The following H2BC5 variants were observed in gnomAD, a reference collection of about 807,000 sequenced individuals.
H2BC5 encodes H2B clustered histone 5.
H2BC5 carries 9 observed loss-of-function variants against 5.7 expected under a neutral mutation model. The ratio of observed to expected loss-of-function variants is 1.57; its 90% CI spans 0.95 to 2.74. The LOEUF (loss-of-function observed/expected upper bound fraction) is 2.74. H2BC5 is among the 30% of genes most tolerant of loss of function. H2BC5 has a pLI of 0.00. For synonymous variants in H2BC5, 133 were observed against 70.9 expected (o/e 1.88, Z -4.40); for missense variants, 175 against 168.8 (o/e 1.04, Z -0.20).
At position 26,158,535 on chromosome 6, in the gene H2BC5, C is replaced by CA; in HGVS notation, c.367dup (p.Thr123AsnfsTer15). On this transcript the variant is annotated frameshift_variant, in exon 1 of 1. Transcript: ENST00000377777. LOFTEE classifies it high-confidence loss of function. ...AGGGCACCAAGGCCGTCACCAAGTA[C>CA]ACCAGTTCCAAGTAACTTTGCCAAG... 1 of 1,614,234 alleles carries CA rather than the reference C, an allele frequency of 6.2e-7. No individual in the cohort carries two copies. The highest frequency in any genetic ancestry group is 2.2e-5 in the East Asian group (1 of 44,880).
chr6:26,161,439 G>A (rs1764350035), downstream of H2BC5, among the ~76,000 whole-genome samples: 1 of 152,124 alleles, frequency 6.6e-6, no homozygotes, highest in South Asian at 2.1e-4. Context: ...GGAATTATCT[G>A]AAATGCAGAG....
At chr6:26,163,408 C>G (rs758266413), downstream of H2BC5, 1 of 152,102 alleles carries the variant, frequency 6.6e-6, no homozygotes, top group Non-Finnish European at 1.5e-5. Flanking sequence ...ACAAATTATC[C>G]CAAAACTAAT....
downstream of H2BC5, among the ~76,000 whole-genome samples, chr6:26,162,799 A>C (rs373243891): frequency 6.6e-6 from 1 of 152,194 alleles, no homozygotes; most frequent in Non-Finnish European, 1.5e-5. Flanking sequence ...ATGGGGTCCC[A>C]AAGTGCTGGG....
downstream of H2BC5, chr6:26,158,680 C>A: frequency 2.9e-6 from 4 of 1,373,254 alleles, no homozygotes; most frequent in East Asian, 2.4e-5. Context: ...CAGTACCAAT[C>A]TTTAATGTTA....
downstream of H2BC5, among the ~76,000 whole-genome samples, chr6:26,158,995 AT>A (rs1361042249): frequency 6.6e-6 from 1 of 152,146 alleles, no homozygotes; most frequent in Non-Finnish European, 1.5e-5. Flanking sequence ...TTCTTGTAAA[AT>A]TTTTACCATG....
At chr6:26,161,830 C>T (rs1764356165), downstream of H2BC5, among the ~76,000 whole-genome samples, 1 of 151,980 alleles carries the variant, frequency 6.6e-6, no homozygotes, top group South Asian at 2.1e-4. Flanking sequence ...TATGATCTGA[C>T]GTTGACCTAA....
At position 26,158,135 on chromosome 6, in the gene H2BC5, G is replaced by A. The variant is rs749925563; in HGVS notation, c.-35G>A. 2.5e-6 allele frequency: 4 copies of A among 1,586,244 alleles called. No individual in the cohort carries two copies. The highest frequency in any genetic ancestry group is 3.4e-6 in the Non-Finnish European group (4 of 1,167,424). On this transcript the variant is annotated 5_prime_UTR_variant, in exon 1 of 1. It adds an upstream start codon to the 5' untranslated region. Coordinates refer to ENST00000377777, the MANE Select transcript of H2BC5 (RefSeq NM_021063.4). ...TCGGCGGGAGTGATTATTTTCTCAG[G>A]TGTTTGCAACAGTGTTCTAACTATT... is the stretch of plus-strand genomic sequence containing the variant.
Position 26,158,176 on chromosome 6 carries a change from GAA to G in H2BC5, c.8_9del (p.Glu3AlafsTer18). 1 of 1,613,760 alleles carries G rather than the reference GAA, an allele frequency of 6.2e-7. No homozygotes were observed. The highest frequency in any genetic ancestry group is 2.2e-5 in the East Asian group (1 of 44,884). MP[E>X]PTKSAPAPKK... ...TCTAACTATTAACGCTACGATGCCT[GAA>G]CCTACCAAGTCTGCTCCTGCCCCAA... On this transcript the variant is annotated frameshift_variant, in exon 1 of 1. Transcript: ENST00000377777. LOFTEE classifies it high-confidence loss of function.
At chr6:26,166,000 G>C (rs1340688978) in intron 1 of H2BC5, among the ~76,000 whole-genome samples, 1 of 152,212 alleles carries the variant, frequency 6.6e-6, no homozygotes, top group Non-Finnish European at 1.5e-5. Context: ...GGTGATGAAG[G>C]ACTGACCCAC....
chr6:26,159,219 T>C (rs1280482845), downstream of H2BC5, among the ~76,000 whole-genome samples: 1 of 151,504 alleles, frequency 6.6e-6, no homozygotes, highest in Non-Finnish European at 1.5e-5. Context: ...AACCGTCTTT[T>C]TCTGAAAGTC....
intron 1 of H2BC5, among the ~76,000 whole-genome samples, chr6:26,167,049 C>CTTTTTTTTTTTTTTTTTTTTTTTTTTCT: frequency 1.0e-5 from 1 of 97,026 alleles, no homozygotes; most frequent in Non-Finnish European, 1.9e-5. Flanking sequence ...TTTGTTTTCT[C>CTTTTTTTTTTTTTTTTTTTTTTTTTTCT]TTTTTTTTTT....
At chr6:26,165,466 A>G (rs527237292) in intron 1 of H2BC5, among the ~76,000 whole-genome samples, 2 of 151,872 alleles carry the variant, frequency 1.3e-5, no homozygotes, top group Admixed American at 1.3e-4. Flanking sequence ...TCTGCTTGCT[A>G]TTGCCTCATG....
intron 1 of H2BC5, chr6:26,164,094 G>T (rs1343694607): frequency 4.4e-6 from 2 of 455,828 alleles, no homozygotes; most frequent in Non-Finnish European, 8.9e-6. Context: ...AAATACCTCA[G>T]CAAATTCCAA....
chr6:26,171,223 C>T (rs1764509585), exon 2 of H2BC5: 1 of 152,140 alleles, frequency 6.6e-6, no homozygotes, highest in African/African-American at 2.4e-5. Context: ...ACTTCTGTTA[C>T]AGACCTAGTT....
intron 1 of H2BC5, among the ~76,000 whole-genome samples, chr6:26,168,731 C>T (rs1764473954): frequency 1.3e-5 from 2 of 152,012 alleles, no homozygotes; most frequent in Non-Finnish European, 2.9e-5. Context: ...TTAAAATCCC[C>T]TCATAATATC....
downstream of H2BC5, among the ~76,000 whole-genome samples, chr6:26,162,794 G>T (rs1050095952): frequency 6.6e-6 from 1 of 152,094 alleles, no homozygotes; most frequent in Non-Finnish European, 1.5e-5. Context: ...CCACCATGGG[G>T]TCCCAAAGTG....
downstream of H2BC5, among the ~76,000 whole-genome samples, chr6:26,159,256 T>G (rs914185233): frequency 1.2e-4 from 17 of 141,442 alleles, no homozygotes; most frequent in Non-Finnish European, 2.2e-4. Context: ...TTTTTTTTTT[T>G]TTTTTTTTTT....
At chr6:26,161,624 T>C (rs999226164), downstream of H2BC5, among the ~76,000 whole-genome samples, 1 of 151,116 alleles carries the variant, frequency 6.6e-6, no homozygotes, top group Admixed American at 6.6e-5. Flanking sequence ...TACAAAAAAT[T>C]AGCCAGGCAT....
At chr6:26,163,468 C>G (rs1370808751), downstream of H2BC5, 1 of 152,164 alleles carries the variant, frequency 6.6e-6, no homozygotes, top group Non-Finnish European at 1.5e-5. Context: ...GTTATGGCTC[C>G]GGGTCTTCCT....
Sources: allele counts gnomAD v4.1 joint callset (sites outside exome capture counted in the v4.1 genomes callset), GRCh38; gene constraint gnomAD v4.1.1; transcripts MANE v1.5; gene names NCBI Gene and HGNC (gene_info 2026-07-23, HGNC 2026-07-21).